PCDHA12: variants seen among roughly 807,000 people sequenced by gnomAD.
PCDHA12 encodes protocadherin alpha-12.
A neutral mutation model predicts 60.0 loss-of-function variants in PCDHA12; 44 were observed. That is an observed-to-expected ratio of 0.73 (90% confidence interval 0.58 to 0.94). PCDHA12 has a LOEUF of 0.94. Among genes scored for constraint, PCDHA12 ranks in the 40% least tolerant of loss-of-function variants. The probability of loss-of-function intolerance (pLI) is 0.00; values close to 1 mark genes in which losing one functional copy is unlikely to be tolerated. For missense variants in PCDHA12, 1,276 were observed against 1,239.7 expected (o/e 1.03, Z -0.44); for synonymous variants, 569 against 553.0 (o/e 1.03, Z -0.40).
At chr5:140,965,853 A>G (rs1554227879) in intron 1 of PCDHA12, among the ~76,000 whole-genome samples, 2 of 152,220 alleles carry the variant, frequency 1.3e-5, no homozygotes, top group Non-Finnish European at 2.9e-5. Flanking sequence ...CAAGGCACAC[A>G]CTGAAAATAA....
chr5:140,951,659 C>T (rs1293655737), intron 1 of PCDHA12, among the ~76,000 whole-genome samples: 3 of 152,164 alleles, frequency 2.0e-5, no homozygotes, highest in African/African-American at 7.2e-5. Flanking sequence ...CCCACCAGGG[C>T]CTGCCTACAA....
At chr5:140,956,629 G>A (rs1554222520) in intron 1 of PCDHA12, among the ~76,000 whole-genome samples, 1 of 152,060 alleles carries the variant, frequency 6.6e-6, no homozygotes, top group Non-Finnish European at 1.5e-5. Flanking sequence ...TTGCATCTCT[G>A]CCAGGTTTTG....
chr5:140,875,642 C>A lies in PCDHA12; in HGVS notation c.170C>A (p.Ala57Glu). 6.2e-7 allele frequency: 1 copy of A among 1,613,606 alleles called. No individual in the cohort carries two copies. Among genetic ancestry groups the A allele is most frequent in the Non-Finnish European group, 8.5e-7 (1 of 1,179,994 alleles). Residue 57 changes from alanine to glutamate, a missense_variant, in exon 1 of 4, where the codon GCG (alanine) becomes GAG (glutamate). Physicochemically the swap from Ala to Glu is moderately radical, Grantham distance 107 (BLOSUM62 -1). Transcript: ENST00000398631. ...GCTCAGGACCTGGGGCTGGAGCTGGCGGAGCTGGTGCCGCGCCTGTTCCGG... is the reference window on the plus strand; with the variant it reads ...GCTCAGGACCTGGGGCTGGAGCTGGAGGAGCTGGTGCCGCGCCTGTTCCGG... The part of the protein sequence containing the change: ...RIAQDLGLEL[A>E]ELVPRLFRVA...
chr5:140,970,625 A>C (rs534910839), intron 1 of PCDHA12, among the ~76,000 whole-genome samples: 1 of 152,316 alleles, frequency 6.6e-6, no homozygotes, highest in Non-Finnish European at 1.5e-5. Context: ...CAAAAGCCAA[A>C]ATTTTGTACC....
chr5:140,896,366 C>T (rs905088200), intron 1 of PCDHA12, among the ~76,000 whole-genome samples: 1 of 152,090 alleles, frequency 6.6e-6, no homozygotes, highest in Non-Finnish European at 1.5e-5. Context: ...TATAAGCATT[C>T]CCTTTTCTCT....
chr5:140,972,241 GC>G (rs1162351861), intron 1 of PCDHA12, among the ~76,000 whole-genome samples: 1 of 151,838 alleles, frequency 6.6e-6, no homozygotes, highest in Non-Finnish European at 1.5e-5. Flanking sequence ...CTGGGCTCAA[GC>G]AATCCTCACA....
Position 140,877,205 on chromosome 5 carries a change from GCGAGTTGGTACCGCGGT to G in PCDHA12, c.1736_1752del (p.Glu579GlyfsTer16). 1 of 1,613,826 alleles carries G rather than the reference GCGAGTTGGTACCGCGGT, an allele frequency of 6.2e-7. No homozygotes were observed. Among genetic ancestry groups the G allele is most frequent in the Non-Finnish European group, 8.5e-7 (1 of 1,179,802 alleles). On this transcript the variant is annotated frameshift_variant, in exon 1 of 4. Transcript: ENST00000398631. LOFTEE classifies it high-confidence loss of function. Reference sequence around the variant, plus strand: ...GCTGGCAGCGCAGGAGGCGCAGTTAGCGAGTTGGTACCGCGGTCGGTGGGTGCGGGCCACGTGGTGGC... The same window carrying G: ...GCTGGCAGCGCAGGAGGCGCAGTTAGCGGTGGGTGCGGGCCACGTGGTGGC...
intron 3 of PCDHA12, among the ~76,000 whole-genome samples, chr5:140,988,630 G>A (rs184253041): frequency 3.1e-4 from 47 of 152,192 alleles, no homozygotes; most frequent in African/African-American, 1.1e-3. Context: ...AGATGTCCTG[G>A]TTTTCTGAAA....
intron 1 of PCDHA12, chr5:140,968,672 G>A: frequency 6.2e-7 from 1 of 1,614,180 alleles, no homozygotes; most frequent in Non-Finnish European, 8.5e-7. Context: ...CTTTAAGGTA[G>A]AGCTGCACAC....
chr5:140,951,008 G>A (rs563188363), intron 1 of PCDHA12, among the ~76,000 whole-genome samples: 2 of 151,974 alleles, frequency 1.3e-5, no homozygotes, highest in South Asian at 4.2e-4. Flanking sequence ...TTTTTCCCAA[G>A]ATCAGGCAGT....
chr5:140,892,534 T>C (rs1554185241), intron 1 of PCDHA12, among the ~76,000 whole-genome samples: 2 of 152,254 alleles, frequency 1.3e-5, no homozygotes, highest in African/African-American at 2.4e-5. Context: ...CTCAGGATTC[T>C]GACTTTTGTT....
rs572205670 is a variant in PCDHA12 at position 140,933,229 on chromosome 5, G to A, written c.2368-45720G>A. ...TACATGTCTGTTATATTGCATTTAT[G>A]AAAAAGAAAGGACTATAAACACAAA... On this transcript the variant is annotated intron_variant, in intron 1 of 3. Coordinates refer to ENST00000398631, the MANE Select transcript of PCDHA12 (RefSeq NM_018903.4). Among the ~76,000 whole-genome samples, 114 of 151,958 alleles carry A rather than the reference G, an allele frequency of 7.5e-4. 1 individual carries two copies. The highest frequency in any genetic ancestry group is 1.5e-3 in the Non-Finnish European group (99 of 67,810).
At chr5:140,881,185 A>G (rs893291095) in intron 1 of PCDHA12, 7 of 166,796 alleles carry the variant, frequency 4.2e-5, no homozygotes, top group African/African-American at 1.7e-4. Flanking sequence ...CTTGCTAAAG[A>G]TATGTTAACA....
intron 3 of PCDHA12, among the ~76,000 whole-genome samples, chr5:140,985,428 T>C (rs782337868): frequency 2.0e-5 from 3 of 152,192 alleles, no homozygotes; most frequent in Non-Finnish European, 4.4e-5. Context: ...GGAGGATTTA[T>C]TAGTTGCTGC....
rs1444177179 is a variant in PCDHA12 at position 140,984,821 on chromosome 5, T to C, written c.2515+2258T>C. On this transcript the variant is annotated intron_variant, in intron 3 of 3. Transcript: ENST00000398631. ...CTGCCTGAATTCATATTTTCTTAAT[T>C]ACCCTTTCTGTAAATTGGGTGTAGT... Among the ~76,000 whole-genome samples, 4 of 152,192 alleles carry C rather than the reference T, an allele frequency of 2.6e-5. No individual in the cohort carries two copies. In the East Asian group the frequency reaches 7.7e-4, roughly 29 times the overall value.
chr5:141,010,107 C>T lies in PCDHA12; in HGVS notation c.*170C>T, dbSNP rs1457376249. On this transcript the variant is annotated 3_prime_UTR_variant, in exon 4 of 4. Coordinates refer to ENST00000398631, the MANE Select transcript of PCDHA12 (RefSeq NM_018903.4). ...CTAGAACGCATTTAACAGGTTTTGT[C>T]GTAAAAGCTTTACTAAGTCTGGTGT... 8.1e-6 allele frequency: 13 copies of T among 1,611,484 alleles called. No individual in the cohort carries two copies. Among genetic ancestry groups the T allele is most frequent in the South Asian group, 4.4e-5 (4 of 90,776 alleles).
intron 1 of PCDHA12, chr5:140,881,393 A>G: frequency 1.0e-6 from 1 of 979,646 alleles, no homozygotes; most frequent in Non-Finnish European, 1.2e-6. Context: ...GGTAAGTTAA[A>G]TTCTATTAAA....
At chr5:140,963,146 T>C (rs1230280019) in intron 1 of PCDHA12, among the ~76,000 whole-genome samples, 2 of 152,074 alleles carry the variant, frequency 1.3e-5, no homozygotes, top group African/African-American at 4.8e-5. Flanking sequence ...TTTGGATGAA[T>C]TTAAAAATGA....
chr5:140,884,491 C>G, intron 1 of PCDHA12: 1 of 1,614,052 alleles, frequency 6.2e-7, no homozygotes, highest in East Asian at 2.2e-5. Flanking sequence ...CTCTAGTGTG[C>G]TCCAGCGCGG....
Sources: gnomAD v4.1 joint callset for allele counts (sites outside exome capture counted in the v4.1 genomes callset) on GRCh38, gnomAD v4.1.1 for gene constraint, MANE v1.5 for transcripts, NCBI Gene and HGNC (gene_info 2026-07-23, HGNC 2026-07-21) for gene names.